Variants in GPT2 observed in about 807,000 individuals in gnomAD.
GPT2 encodes the protein glutamic--pyruvic transaminase 2.
A neutral mutation model predicts 56.9 loss-of-function variants in GPT2; 30 were observed. That is an observed-to-expected ratio of 0.53 (90% CI 0.39 to 0.72). The LOEUF is 0.72. Ranked by LOEUF, GPT2 falls within the 30% of genes least tolerant of loss-of-function variation. The pLI is 0.00. For synonymous variants in GPT2, 271 were observed against 283.1 expected, an observed-to-expected ratio of 0.96 and a Z score of 0.43; for missense variants, 542 against 703.4, an observed-to-expected ratio of 0.77 and a Z score of 2.60.
At chr16:46,919,349 A>G (rs1961235564) in intron 8 of GPT2, among the ~76,000 whole-genome samples, 2 of 152,024 alleles carry the variant, frequency 1.3e-5, no homozygotes, top group Non-Finnish European at 2.9e-5. Flanking sequence ...TCCCACGGAG[A>G]ACAGTCATTA....
At chr16:46,922,461 G>T (rs369433800) in intron 9 of GPT2, 45 bp downstream of exon 9, 5 of 1,536,748 alleles carry the variant, frequency 3.3e-6, no homozygotes, top group Non-Finnish European at 4.4e-6. Flanking sequence ...CCGGGGTCAC[G>T]AGAGTTCCTG....
intron 1 of GPT2, 36 bp from the exon 2 acceptor site, chr16:46,884,658 C>T (rs1960445129): frequency 4.4e-6 from 6 of 1,355,912 alleles, no homozygotes; most frequent in African/African-American, 1.5e-5. Context: ...CTGGGCAGTG[C>T]GCGACGTGTT....
At chr16:46,887,205 AC>A (rs527347605) in intron 2 of GPT2, among the ~76,000 whole-genome samples, 240 of 152,262 alleles carry the variant, frequency 1.6e-3, no homozygotes, top group Non-Finnish European at 2.6e-3. Flanking sequence ...ACGGTGGCTC[AC>A]GCCTGTAATC....
At chr16:46,918,810 C>G (rs1961224194) in intron 8 of GPT2, 53 bp downstream of exon 8, 1 of 1,599,950 alleles carries the variant, frequency 6.3e-7, no homozygotes, top group Non-Finnish European at 8.5e-7. Context: ...GATCCTCACG[C>G]TGCCGGCTCC....
intron 2 of GPT2, among the ~76,000 whole-genome samples, chr16:46,892,889 C>T (rs577521603): frequency 6.6e-6 from 1 of 152,186 alleles, no homozygotes; most frequent in African/African-American, 2.4e-5. Flanking sequence ...CCAAGGAGGC[C>T]TTCCCTCGGA....
intron 6 of GPT2, among the ~76,000 whole-genome samples, chr16:46,911,888 T>C (rs979781549): frequency 1.3e-5 from 2 of 152,246 alleles, no homozygotes; most frequent in Admixed American, 6.5e-5. Flanking sequence ...TCTTTTCACC[T>C]GACTGAGAAG....
intron 6 of GPT2, among the ~76,000 whole-genome samples, chr16:46,915,093 G>T (rs1259055085): frequency 6.6e-6 from 1 of 151,770 alleles, no homozygotes; most frequent in Non-Finnish European, 1.5e-5. Context: ...AATTTTTATT[G>T]TAGAGTTGAG....
intron 4 of GPT2, among the ~76,000 whole-genome samples, chr16:46,901,640 G>T (rs554557718): frequency 6.6e-6 from 1 of 152,218 alleles, no homozygotes; most frequent in Non-Finnish European, 1.5e-5. Flanking sequence ...GGAGCTGAGG[G>T]TGGGGACAGA....
chr16:46,907,301 A>G (rs1960950102), intron 5 of GPT2, among the ~76,000 whole-genome samples: 1 of 152,208 alleles, frequency 6.6e-6, no homozygotes, highest in Non-Finnish European at 1.5e-5. Flanking sequence ...TGGGGAGACA[A>G]TGGGAAACCA....
At chr16:46,921,221 T>G (rs1190117335) in intron 8 of GPT2, among the ~76,000 whole-genome samples, 1 of 152,160 alleles carries the variant, frequency 6.6e-6, no homozygotes, top group Non-Finnish European at 1.5e-5. Context: ...CAGGCTGGAG[T>G]GCAGAGGCGC....
intron 2 of GPT2, among the ~76,000 whole-genome samples, chr16:46,891,329 G>A (rs1960580848): frequency 6.6e-6 from 1 of 151,736 alleles, no homozygotes; most frequent in Non-Finnish European, 1.5e-5. Flanking sequence ...TGCAACCTCC[G>A]TCTCCCGGGT....
chr16:46,903,927 G>C (rs1006188544), intron 4 of GPT2, among the ~76,000 whole-genome samples: 4 of 152,224 alleles, frequency 2.6e-5, no homozygotes, highest in African/African-American at 9.6e-5. Flanking sequence ...CTCTAATGGA[G>C]AGGAAGAGCT....
At chr16:46,898,540 G>GTTTTGT (rs943451197) in intron 3 of GPT2, among the ~76,000 whole-genome samples, 5 of 152,034 alleles carry the variant, frequency 3.3e-5, no homozygotes, top group Non-Finnish European at 5.9e-5. Context: ...TTTTATTTAG[G>GTTTTGT]TTTTGTTTTT....
Position 46,909,894 on chromosome 16 carries a change from G to C in GPT2, c.787G>C (p.Val263Leu), listed in dbSNP as rs1267071153. The C allele has an allele frequency of 5.6e-6, 9 of 1,613,670 alleles. No homozygotes were observed. Among genetic ancestry groups the C allele is most frequent in the Non-Finnish European group, 7.6e-6 (9 of 1,179,694 alleles). Residue 263 changes from valine to leucine, a missense_variant, in exon 6 of 12, where the codon GTG (valine) becomes CTG (leucine). Val to Leu is a conservative substitution (Grantham distance 32). Coordinates refer to ENST00000340124, the MANE Select transcript of GPT2 (RefSeq NM_133443.4). ...GGCCAAAGACCACTGTGATCCTAAG[G>C]TGCTCTGCATAATCAACCCTGGGAA... The part of the protein sequence containing the change: ...QEAKDHCDPK[V>L]LCIINPGNPT...
intron 3 of GPT2, among the ~76,000 whole-genome samples, chr16:46,899,017 ATATATATATATATATATATT>A (rs1437291669): frequency 0.1 from 862 of 8,256 alleles, 29 homozygotes; most frequent in East Asian, 0.49. Context: ...ATATATATAT[ATATATATATATATATATATT>A]TTTTTTTTTT....
intron 8 of GPT2, among the ~76,000 whole-genome samples, chr16:46,920,729 C>T (rs1196314236): frequency 6.6e-6 from 1 of 152,340 alleles, no homozygotes; most frequent in Non-Finnish European, 1.5e-5. Flanking sequence ...CGCAGGCTAA[C>T]AGGCTGGTCT....
intron 2 of GPT2, among the ~76,000 whole-genome samples, chr16:46,893,766 G>C (rs1960631429): frequency 6.6e-6 from 1 of 152,220 alleles, no homozygotes; most frequent in South Asian, 2.1e-4. Context: ...GCACAGGGGA[G>C]GTGGCTCTGG....
chr16:46,908,957 C>T (rs529580036), intron 5 of GPT2, among the ~76,000 whole-genome samples: 8 of 152,348 alleles, frequency 5.3e-5, no homozygotes, highest in African/African-American at 1.7e-4. Context: ...GAATTACTGG[C>T]ACATCCACCA....
rs1389440552 is a variant in GPT2, at chr16:46,895,800, T to C, written c.244-1848T>C. On this transcript the variant is annotated intron_variant, in intron 2 of 11. Transcript: ENST00000340124. Reference sequence around the variant, plus strand: ...CTCCTGCCTTGGCCTCCCAAAGTGCTGGAATTACAGGTGTGAGCCACCACG... The same window carrying C: ...CTCCTGCCTTGGCCTCCCAAAGTGCCGGAATTACAGGTGTGAGCCACCACG... Among the ~76,000 whole-genome samples, 3 of 152,218 alleles carry C rather than the reference T, an allele frequency of 2.0e-5. No individual in the cohort carries two copies. The East Asian group carries it at 5.8e-4, about 29-fold the overall frequency.
Sources: gnomAD v4.1 joint callset for allele counts (sites outside exome capture counted in the v4.1 genomes callset) on GRCh38, gnomAD v4.1.1 for gene constraint, MANE v1.5 for transcripts, NCBI Gene and HGNC (gene_info 2026-07-23, HGNC 2026-07-21) for gene names.